The following CETN2 variants were observed in gnomAD, a reference collection of about 807,000 sequenced individuals.
The protein encoded by CETN2 is centrin 2, also known as centrin-2.
A neutral mutation model predicts 12.6 loss-of-function variants in CETN2; 2 were observed. The observed-to-expected ratio is 0.16, with a 90% CI of 0.07 to 0.50. CETN2 has a LOEUF of 0.50. Among genes scored for constraint, CETN2 ranks in the 20% least tolerant of loss-of-function variants. The pLI is 0.96. For missense variants in CETN2, 81 were observed against 128.3 expected (o/e 0.63, Z 1.78); for synonymous variants, 41 against 43.4 (o/e 0.94, Z 0.22).
rs782085882 is a variant in CETN2, at chrX:152,828,706, G to C, written c.292-32C>G. ...AAGTAGAACATAAAACACATGAGTA[G>C]GGGGACACCACGGTTGGTTACTACT... On this transcript the variant is annotated intron_variant, in intron 3 of 4. Coordinates refer to ENST00000370277, the MANE Select transcript of CETN2 (RefSeq NM_004344.3). The C allele has an allele frequency of 5.1e-6, 6 of 1,182,270 alleles. 1 individual carries two copies. In the African/African-American group the frequency reaches 7.1e-5, roughly 14 times the overall value.
At chrX:152,827,995 C>CTT (rs11428901) in intron 4 of CETN2, 65 bp from the exon 5 acceptor site, 6,165 of 750,000 alleles carry the variant, frequency 8.2e-3, no homozygotes, top group Non-Finnish European at 9.5e-3. Context: ...AAGTAATAGA[C>CTT]TTTTTTTTTT....
Position 152,828,576 on chromosome X carries a change from G to A in CETN2, c.390C>T (p.Ala130=), listed in dbSNP as rs1556842936. The change falls in exon 4 of 5, where the codon GCC becomes GCT. Residue 130 remains alanine, a synonymous_variant. Coordinates refer to ENST00000370277, the MANE Select transcript of CETN2 (RefSeq NM_004344.3). ...CAGTCAGGTTCTCACCCAACTCCTT[G>A]GCCACGCGTTTCAGATTTTTGAACG... ...KISFKNLKRV[A]KELGENLTDE... 1 of 1,211,058 alleles carries A rather than the reference G, an allele frequency of 8.3e-7. No homozygotes were observed.
intron 2 of CETN2, 99 bp from the exon 3 acceptor site, chrX:152,829,376 G>A: frequency 1.0e-6 from 1 of 988,437 alleles, no homozygotes; most frequent in Non-Finnish European, 1.4e-6. Context: ...ATGTGGTCAT[G>A]TTAATATGAT....
In CETN2 at chrX:152,830,698, C is replaced by A; in HGVS notation, c.3+10G>T. ...CTGGGCGTGGGGCGCGACAGAGCGGCAGCACTCACCATAGCCAAAGGAGTC... is the reference window on the plus strand; with the variant it reads ...CTGGGCGTGGGGCGCGACAGAGCGGAAGCACTCACCATAGCCAAAGGAGTC... On this transcript the variant is annotated intron_variant, in intron 1 of 4. Transcript: ENST00000370277. 8.5e-7 allele frequency: 1 copy of A among 1,179,195 alleles called. No homozygotes were observed. The highest frequency in any genetic ancestry group is 1.1e-6 in the Non-Finnish European group (1 of 879,519).
At chrX:152,827,962 T>C (rs782811264) in intron 4 of CETN2, 32 bp from the exon 5 acceptor site, 1 of 1,127,018 alleles carries the variant, frequency 8.9e-7, no homozygotes, top group African/African-American at 1.8e-5. Context: ...GGTTAATTTA[T>C]AAACTAATGC....
intron 1 of CETN2, 29 bp downstream of exon 1, chrX:152,830,679 G>C: frequency 8.5e-7 from 1 of 1,177,002 alleles, no homozygotes; most frequent in Non-Finnish European, 1.1e-6. Context: ...GCCGCTGGGC[G>C]TGGGGCGCGA....
Position 152,829,656 on chromosome X carries a change from A to G in CETN2, c.108T>C (p.Ala36=). 1 of 1,206,244 alleles carries G rather than the reference A, an allele frequency of 8.3e-7. No homozygotes were observed. Among genetic ancestry groups the G allele is most frequent in the East Asian group, 3.0e-5 (1 of 33,641 alleles). ...TTCCATCCGCATCGAAAAGATCAAA[A>G]GCTTCCCGGATCTCCTGCTTTTGCT... ...TEEQKQEIRE[A]FDLFDADGTG... The change falls in exon 2 of 5, where the codon GCT becomes GCC. Residue 36 remains alanine, a synonymous_variant. Transcript: ENST00000370277.
intron 2 of CETN2, 146 bp downstream of exon 2, chrX:152,829,456 T>C (rs1932981483): frequency 1.1e-6 from 1 of 897,470 alleles, no homozygotes; most frequent in African/African-American, 2.0e-5. Context: ...TCAAAGTAAG[T>C]AAAGACAGGA....
At chrX:152,828,028 GC>G in intron 4 of CETN2, 98 bp from the exon 5 acceptor site, 1 of 630,770 alleles carries the variant, frequency 1.6e-6, no homozygotes. Context: ...TCTCTATGCT[GC>G]CCACACTGGT....
At chrX:152,828,987 C>A in intron 3 of CETN2, 162 bp downstream of exon 3, 1 of 570,021 alleles carries the variant, frequency 1.8e-6, no homozygotes, top group Non-Finnish European at 2.8e-6. Context: ...AGCACAAGGG[C>A]TTGTTTTGGG....
chrX:152,829,413 T>C (rs1556843041), intron 2 of CETN2, 136 bp from the exon 3 acceptor site: 4 of 904,877 alleles, frequency 4.4e-6, no homozygotes, highest in African/African-American at 2.0e-5. Flanking sequence ...ATTGATCTAA[T>C]TGATATTTGC....
chrX:152,829,571 G>A, intron 2 of CETN2, 31 bp downstream of exon 2: 1 of 1,164,432 alleles, frequency 8.6e-7, no homozygotes, highest in Non-Finnish European at 1.2e-6. Flanking sequence ...AGGAAAGGAA[G>A]GGCAGTACGG....
intron 4 of CETN2, among the ~76,000 whole-genome samples, chrX:152,828,150 A>C (rs1199170202): frequency 9.0e-6 from 1 of 111,552 alleles, no homozygotes; most frequent in African/African-American, 3.3e-5. Context: ...CTATGTGAAT[A>C]GATAATTTGT....
In CETN2 at chrX:152,829,457, A is replaced by G. The variant is rs903583465; in HGVS notation, c.162+145T>C. The G allele has an allele frequency of 1.3e-4, 117 of 894,875 alleles. No individual in the cohort carries two copies. The African/African-American group carries it at 2.1e-3, about 16-fold the overall frequency. The allele number at this position is 894,875 out of a possible 1,213,427, so 73.7% of individuals were successfully genotyped here. On this transcript the variant is annotated intron_variant, in intron 2 of 4. Transcript: ENST00000370277. ...TTATTGAATAATACTCAAAGTAAGTAAAGACAGGAAAACAGCACAGTACAA... is the reference window on the plus strand; with the variant it reads ...TTATTGAATAATACTCAAAGTAAGTGAAGACAGGAAAACAGCACAGTACAA...
intron 4 of CETN2, 24 bp from the exon 5 acceptor site, chrX:152,827,954 T>C (rs781907762): frequency 8.6e-7 from 1 of 1,164,670 alleles, no homozygotes; most frequent in South Asian, 1.8e-5. Context: ...AAGATTCAGG[T>C]TAATTTATAA....
At chrX:152,829,325 G>A in intron 2 of CETN2, 48 bp from the exon 3 acceptor site, 3 of 1,144,481 alleles carry the variant, frequency 2.6e-6, no homozygotes, top group Non-Finnish European at 3.5e-6. Flanking sequence ...AAAGTAGCAG[G>A]AGCAAAAATA....
In CETN2 at chrX:152,827,081, T is replaced by C. The variant is rs782725472; in HGVS notation, c.*760A>G. ...TACTAACAAGACTCTTTTCCAGTCT[T>C]AGCTTTGCCAAAACTATTTTTAGAG... On this transcript the variant is annotated 3_prime_UTR_variant, in exon 5 of 5. Coordinates refer to ENST00000370277, the MANE Select transcript of CETN2 (RefSeq NM_004344.3). 2.6e-4 allele frequency: 29 copies of C among 112,741 alleles called. No individual in the cohort carries two copies. The highest frequency in any genetic ancestry group is 8.4e-4 in the African/African-American group (26 of 31,065). The allele number at this position is 112,741 out of a possible 1,213,427, so 9.3% of individuals were successfully genotyped here.
chrX:152,829,200 C>T lies in CETN2; in HGVS notation c.240G>A (p.Gly80=), dbSNP rs782068050. The T allele has an allele frequency of 5.0e-6, 6 of 1,207,866 alleles. No homozygotes were observed. In the East Asian group the frequency reaches 1.8e-4, roughly 36 times the overall value. ...AGTCACCAAAGTTCATTTTTCCTGT[C>T]CCTTCCTTATCAATTTCACTTATCA... is the stretch of plus-strand genomic sequence containing the variant. ...KKMISEIDKE[G]TGKMNFGDFL... Residue 80 remains glycine, a synonymous_variant, in exon 3 of 5, where the codon GGG becomes GGA. Transcript: ENST00000370277.
chrX:152,827,995 CTTT>C (rs11428901), intron 4 of CETN2, 65 bp from the exon 5 acceptor site: 1 of 772,075 alleles, frequency 1.3e-6, no homozygotes, highest in Non-Finnish European at 1.8e-6. Context: ...AAGTAATAGA[CTTT>C]TTTTTTTTTA....
Sources: allele counts gnomAD v4.1 joint callset (sites outside exome capture counted in the v4.1 genomes callset), GRCh38; gene constraint gnomAD v4.1.1; transcripts MANE v1.5; gene names NCBI Gene and HGNC (gene_info 2026-07-23, HGNC 2026-07-21).